PPAT: variants seen among roughly 807,000 people sequenced by gnomAD.
PPAT encodes the protein phosphoribosyl pyrophosphate amidotransferase.
Under a neutral mutation model 60.2 loss-of-function variants are expected in PPAT, and 20 were observed. That is an observed-to-expected ratio of 0.33 (90% CI 0.23 to 0.48). The LOEUF (loss-of-function observed/expected upper bound fraction) is 0.48, where lower values mean the gene tolerates loss of function less well. Among genes scored for constraint, PPAT ranks in the 20% least tolerant of loss-of-function variants. The probability of loss-of-function intolerance (pLI) is 0.99; values close to 1 mark genes in which losing one functional copy is unlikely to be tolerated. For synonymous variants in PPAT, 194 were observed against 215.1 expected (o/e 0.90, Z 0.86); for missense variants, 349 against 629.6 (o/e 0.55, Z 4.77).
intron 1 of PPAT, among the ~76,000 whole-genome samples, chr4:56,416,858 TTTTTC>T (rs1483991496): frequency 1.3e-5 from 2 of 152,198 alleles, no homozygotes; most frequent in African/African-American, 4.8e-5. Context: ...TTTGCTTCTA[TTTTTC>T]TTTTCTTTTC....
intron 1 of PPAT, chr4:56,431,440 T>A: frequency 2.0e-6 from 2 of 981,048 alleles, no homozygotes. Flanking sequence ...CTAAATCTCT[T>A]AAGAAAAGTG....
intron 1 of PPAT, among the ~76,000 whole-genome samples, chr4:56,418,395 T>C (rs1340274774): frequency 6.6e-6 from 1 of 152,120 alleles, no homozygotes; most frequent in Non-Finnish European, 1.5e-5. Flanking sequence ...TCTCAGCCCA[T>C]TGCAACCTCC....
At position 56,394,001 on chromosome 4, in the gene PPAT, T is replaced by G. The variant is rs188743398; in HGVS notation, c.*1351A>C. 1.4e-3 allele frequency: 208 copies of G among 152,260 alleles called. No homozygotes were observed. Among genetic ancestry groups the G allele is most frequent in the African/African-American group, 4.4e-3 (183 of 41,562 alleles). The allele number at this position is 152,260 out of a possible 1,614,324, so 9.4% of individuals were successfully genotyped here. On this transcript the variant is annotated 3_prime_UTR_variant, in exon 11 of 11. Coordinates refer to ENST00000264220, the MANE Select transcript of PPAT (RefSeq NM_002703.5). ...CTATATACCAAAGGAAGACAAACAG[T>G]TTCAGTTATTAATAAATATTAAATT...
chr4:56,400,923 G>T lies in PPAT; in HGVS notation c.887-12C>A, dbSNP rs765555698. 1.2e-6 allele frequency: 2 copies of T among 1,605,318 alleles called. No homozygotes were observed. Among genetic ancestry groups the T allele is most frequent in the South Asian group, 2.2e-5 (2 of 90,600 alleles). ...ATAAACCATTTGGTCTGGTGTGTTTGGAAAAGGAGAGAGAGTATTTTTACT... is the reference window on the plus strand; with the variant it reads ...ATAAACCATTTGGTCTGGTGTGTTTTGAAAAGGAGAGAGAGTATTTTTACT... On this transcript the variant is annotated splice_polypyrimidine_tract_variant and intron_variant, in intron 7 of 10. Coordinates refer to ENST00000264220, the MANE Select transcript of PPAT (RefSeq NM_002703.5).
Position 56,396,513 on chromosome 4 carries a change from A to G in PPAT, c.1357+106T>C. The stretch of plus-strand genomic sequence containing the variant: ...CAATATCTGTTTAACATATATAACT[A>G]CTTTTAACAAACACTGAATACTCCT... On this transcript the variant is annotated intron_variant, in intron 10 of 10. Transcript: ENST00000264220. This position sits in a 1 kb window ranked among gnomAD's most constrained non-coding sequence, Gnocchi z 4.6. 8.8e-7 allele frequency: 1 copy of G among 1,136,392 alleles called. No homozygotes were observed. The highest frequency in any genetic ancestry group is 1.2e-6 in the Non-Finnish European group (1 of 807,084). 70.4% of individuals were successfully genotyped at this position (1,136,392 alleles called of 1,614,324 possible). A position where few individuals can be genotyped will look rare whatever the true frequency, so the allele number is the denominator to read the frequency against.
intron 1 of PPAT, chr4:56,429,015 A>G: frequency 1.1e-6 from 1 of 950,056 alleles, no homozygotes; most frequent in Non-Finnish European, 1.3e-6. Flanking sequence ...GGTAAGAGCC[A>G]GAGAAATAAC....
chr4:56,422,253 A>C (rs1717076425), intron 1 of PPAT: 1 of 152,200 alleles, frequency 6.6e-6, no homozygotes, highest in Admixed American at 6.5e-5. Context: ...CAGCCTGAGC[A>C]ACAGAGTGAG....
Position 56,394,887 on chromosome 4 carries a change from A to G in PPAT, c.*465T>C, listed in dbSNP as rs2110035508. ...ATTATTTTTTTTTAAAGATTTGTCT[A>G]CAGTTAGACAGGGAAGCCAAGGTCA... On this transcript the variant is annotated 3_prime_UTR_variant, in exon 11 of 11. Transcript: ENST00000264220. 1 of 151,466 alleles carries G rather than the reference A, an allele frequency of 6.6e-6. No homozygotes were observed. The highest frequency in any genetic ancestry group is 1.9e-4 in the East Asian group (1 of 5,176). 9.4% of individuals were successfully genotyped at this position (151,466 alleles called of 1,614,324 possible).
At position 56,396,822 on chromosome 4, in the gene PPAT, G is replaced by T; in HGVS notation, c.1237-83C>A. 1 of 1,387,000 alleles carries T rather than the reference G, an allele frequency of 7.2e-7. No individual in the cohort carries two copies. Among genetic ancestry groups the T allele is most frequent in the Non-Finnish European group, 9.7e-7 (1 of 1,026,494 alleles). The allele number at this position is 1,387,000 out of a possible 1,614,324, so 85.9% of individuals were successfully genotyped here. A position where few individuals can be genotyped will look rare whatever the true frequency, so the allele number is the denominator to read the frequency against. On this transcript the variant is annotated intron_variant, in intron 9 of 10. Coordinates refer to ENST00000264220, the MANE Select transcript of PPAT (RefSeq NM_002703.5). The surrounding 1 kb of genome is among the most constrained non-coding windows in gnomAD (Gnocchi z 4.6). ...TGCAAATACAATACAAAATTGTTTT[G>T]CAGAATATTCAGTAACAACATATGG...
intron 1 of PPAT, among the ~76,000 whole-genome samples, chr4:56,429,339 G>A (rs952326984): frequency 6.6e-6 from 1 of 152,074 alleles, no homozygotes; most frequent in Non-Finnish European, 1.5e-5. Context: ...TGCAATTATT[G>A]TTATCAGATG....
In PPAT at chr4:56,399,400, A is replaced by G. The variant is rs779428104; in HGVS notation, c.1015T>C (p.Cys339Arg). 2.5e-6 allele frequency: 4 copies of G among 1,606,414 alleles called. No individual in the cohort carries two copies. Among genetic ancestry groups the G allele is most frequent in the Non-Finnish European group, 2.6e-6 (3 of 1,173,360 alleles). Residue 339 changes from cysteine (C) to arginine (R), a missense_variant and splice_region_variant, in exon 9 of 11, where the codon TGT becomes CGT. Cys to Arg is a radical substitution (Grantham distance 180). Around this residue, in one of 5 missense-constraint regions of PPAT, gnomAD observed 167 missense variants for 328.6 expected, o/e 0.51. Transcript: ENST00000264220. Reference sequence around the variant, plus strand: ...AGCACCTCCACATATGGAAGTCCACACTGATAGAGAAGAAATGAAAGGATA... The same window carrying G: ...AGCACCTCCACATATGGAAGTCCACGCTGATAGAGAAGAAATGAAAGGATA... ...TPAALAYAGK[C>R]GLPYVEVLCK...
chr4:56,433,713 G>A (rs74512638), intron 1 of PPAT, among the ~76,000 whole-genome samples: 1 of 98,166 alleles, frequency 1.0e-5, no homozygotes, highest in Admixed American at 9.0e-5. Context: ...TTTTTTTTTT[G>A]AGACGGAGTC....
At chr4:56,408,494 G>C (rs1716305916) in intron 1 of PPAT, among the ~76,000 whole-genome samples, 2 of 147,616 alleles carry the variant, frequency 1.4e-5, no homozygotes, top group Admixed American at 1.4e-4. Flanking sequence ...CAAGTGATGA[G>C]CTTTGTTAAA....
At chr4:56,432,226 A>G (rs1461391465) in intron 1 of PPAT, among the ~76,000 whole-genome samples, 2 of 152,168 alleles carry the variant, frequency 1.3e-5, no homozygotes, top group African/African-American at 2.4e-5. Flanking sequence ...TCTAGATTCC[A>G]TCTTCTTAAA....
chr4:56,417,263 A>G (rs1004709366), intron 1 of PPAT, among the ~76,000 whole-genome samples: 2 of 151,886 alleles, frequency 1.3e-5, no homozygotes, highest in African/African-American at 2.4e-5. Flanking sequence ...ATTACAAAGC[A>G]AAGACATTAA....
chr4:56,406,743 G>T, intron 2 of PPAT, 42 bp from the exon 3 acceptor site: 2 of 1,404,108 alleles, frequency 1.4e-6, no homozygotes, highest in Non-Finnish European at 2.0e-6. Context: ...AAACAGACTA[G>T]TACTGCTAGT....
rs750095191 is a variant in PPAT, at chr4:56,435,337, C to G, written c.128+13G>C. Reference sequence around the variant, plus strand: ...GAGACGCACGCCCCCGCCACCCCCACCCTGTTGCTCACCGGTGCTGCAGCC... The same window carrying G: ...GAGACGCACGCCCCCGCCACCCCCAGCCTGTTGCTCACCGGTGCTGCAGCC... On this transcript the variant is annotated intron_variant, in intron 1 of 10. Coordinates refer to ENST00000264220, the MANE Select transcript of PPAT (RefSeq NM_002703.5). 6.2e-7 allele frequency: 1 copy of G among 1,613,524 alleles called. No individual in the cohort carries two copies. The highest frequency in any genetic ancestry group is 8.5e-7 in the Non-Finnish European group (1 of 1,179,654).
chr4:56,435,284 C>A, intron 1 of PPAT, 66 bp downstream of exon 1: 2 of 1,601,188 alleles, frequency 1.2e-6, no homozygotes, highest in Non-Finnish European at 1.7e-6. Context: ...ATGAGAACGC[C>A]GACTGCGGGA....
At chr4:56,411,565 T>C (rs967231655) in intron 1 of PPAT, among the ~76,000 whole-genome samples, 1 of 152,148 alleles carries the variant, frequency 6.6e-6, no homozygotes, top group African/African-American at 2.4e-5. Flanking sequence ...TCATTGTCTG[T>C]GGAAGCATTA....
Sources: allele counts gnomAD v4.1 joint callset (sites outside exome capture counted in the v4.1 genomes callset), GRCh38; gene constraint gnomAD v4.1.1; regional missense constraint gnomAD v4.1.1; non-coding constraint Gnocchi (gnomAD v3.1); transcripts MANE v1.5; gene names NCBI Gene and HGNC (gene_info 2026-07-23, HGNC 2026-07-21).